Variants in FAM131A observed in about 807,000 individuals in gnomAD.
FAM131A encodes protein FAM131A.
Under a neutral mutation model 39.2 loss-of-function variants are expected in FAM131A, and 24 were observed. That is an observed-to-expected ratio of 0.61 (90% CI 0.44 to 0.86). The LOEUF (loss-of-function observed/expected upper bound fraction) is 0.86. Among genes scored for constraint, FAM131A ranks in the 40% least tolerant of loss-of-function variants. FAM131A has a pLI of 0.00. For missense variants in FAM131A, 373 were observed against 481.2 expected, an observed-to-expected ratio of 0.78 and a Z score of 2.10; for synonymous variants, 202 against 206.8, an observed-to-expected ratio of 0.98 and a Z score of 0.20.
chr3:184,343,040 G>C, intron 5 of FAM131A, 180 bp downstream of exon 5: 1 of 423,610 alleles, frequency 2.4e-6, no homozygotes, highest in East Asian at 3.4e-5. Context: ...GGTGGGAAAT[G>C]AGCAGACAGA....
chr3:184,336,020 G>C (rs1343353473), upstream of FAM131A: 1 of 152,218 alleles, frequency 6.6e-6, no homozygotes, highest in Non-Finnish European at 1.5e-5. This position sits in a 1 kb window ranked among gnomAD's most constrained non-coding sequence, Gnocchi z 5.5. Context: ...GTGTGGCCGC[G>C]ACCCTACCCT....
upstream of FAM131A, among the ~76,000 whole-genome samples, chr3:184,336,664 G>T (rs530077994): frequency 2.6e-5 from 4 of 152,320 alleles, no homozygotes; most frequent in Admixed American, 2.6e-4. This position sits in a 1 kb window ranked among gnomAD's most constrained non-coding sequence, Gnocchi z 5.5. Flanking sequence ...GTCGGCGAAG[G>T]GGGACTGAGG....
At chr3:184,344,434 T>C in intron 5 of FAM131A, 61 bp from the exon 6 acceptor site, 1 of 1,464,320 alleles carries the variant, frequency 6.8e-7, no homozygotes, top group Non-Finnish European at 9.2e-7. Flanking sequence ...GAATGTGGCT[T>C]CCAGGTTGTC....
At chr3:184,343,336 G>A (rs1029726639) in intron 5 of FAM131A, among the ~76,000 whole-genome samples, 1 of 152,184 alleles carries the variant, frequency 6.6e-6, no homozygotes, top group Non-Finnish European at 1.5e-5. Flanking sequence ...GAACACCCAC[G>A]GGGCCATGCT....
Position 184,344,776 on chromosome 3 carries a change from G to T in FAM131A, c.907G>T (p.Asp303Tyr), listed in dbSNP as rs867642715. The T allele has an allele frequency of 8.1e-6, 13 of 1,612,148 alleles. No individual in the cohort carries two copies. In the African/African-American group the frequency reaches 1.6e-4, roughly 20 times the overall value. Reference sequence around the variant, plus strand: ...CAGCCTGGGCCCACTGGAGGCCCAGGACTCACTCTACAACTCGCCCCTCAC... The same window carrying T: ...CAGCCTGGGCCCACTGGAGGCCCAGTACTCACTCTACAACTCGCCCCTCAC... ...FRSLGPLEAQ[D>Y]SLYNSPLTES... is the part of the protein sequence containing the mutation. Residue 303 changes from aspartate to tyrosine, a missense_variant, in exon 6 of 6, where the codon GAC becomes TAC. Around this residue, in one of 2 missense-constraint regions of FAM131A, gnomAD observed 152 missense variants for 133.5 expected, o/e 1.14. Coordinates refer to ENST00000383847, the MANE Select transcript of FAM131A (RefSeq NM_144635.5).
chr3:184,340,669 C>T (rs992009028), intron 2 of FAM131A: 2 of 152,164 alleles, frequency 1.3e-5, no homozygotes, highest in African/African-American at 4.8e-5. Context: ...AGGTGCTGTG[C>T]TAAACATTGG....
chr3:184,342,440 T>C lies in FAM131A; in HGVS notation c.508+192T>C, dbSNP rs561417322. On this transcript the variant is annotated intron_variant, in intron 4 of 5. Transcript: ENST00000383847. The surrounding 1 kb of genome is among the most constrained non-coding windows in gnomAD (Gnocchi z 4.6). Reference sequence around the variant, plus strand: ...CTCCTGCCTCAGCCTCCCAAGTAGCTGGGATTACAGTTGCCTGCCACCGTG... The same window carrying C: ...CTCCTGCCTCAGCCTCCCAAGTAGCCGGGATTACAGTTGCCTGCCACCGTG... 1.3e-5 allele frequency among the ~76,000 whole-genome samples: 2 copies of C among 152,318 alleles called. No homozygotes were observed. Among genetic ancestry groups the C allele is most frequent in the South Asian group, 4.1e-4 (2 of 4,822 alleles).
At chr3:184,343,180 G>A (rs945740691) in intron 5 of FAM131A, 6 of 204,412 alleles carry the variant, frequency 2.9e-5, no homozygotes, top group Admixed American at 2.1e-4. Flanking sequence ...GTGCAGCCAT[G>A]TCTCTGGGAG....
At chr3:184,336,063 G>T (rs562927988), upstream of FAM131A, 1 of 152,370 alleles carries the variant, frequency 6.6e-6, no homozygotes, top group African/African-American at 2.4e-5. This position sits in a 1 kb window ranked among gnomAD's most constrained non-coding sequence, Gnocchi z 5.5. Context: ...CCGAGCGCAG[G>T]CTAGCGTGCC....
At chr3:184,338,684 G>A in intron 2 of FAM131A, 155 bp downstream of exon 2, 1 of 944,404 alleles carries the variant, frequency 1.1e-6, no homozygotes, top group Non-Finnish European at 1.5e-6. Flanking sequence ...CCCCGTGCCG[G>A]TCTGCTCTGC....
rs770510033 is a variant in FAM131A at position 184,341,892 on chromosome 3, C to T, written c.325+75C>T. On this transcript the variant is annotated intron_variant, in intron 3 of 5. Transcript: ENST00000383847. ...TTTGCACATCCCTTTGGAACTGTTTCCTGTGAGTACATGCTGGGGTCTCCC... is the reference window on the plus strand; with the variant it reads ...TTTGCACATCCCTTTGGAACTGTTTTCTGTGAGTACATGCTGGGGTCTCCC... 152 of 1,547,062 alleles carry T rather than the reference C, an allele frequency of 9.8e-5. 1 individual carries two copies. Among genetic ancestry groups the T allele is most frequent in the Non-Finnish European group, 5.0e-5 (56 of 1,118,872 alleles).
rs1727591366 is a variant in FAM131A, at chr3:184,345,299, AG to A, written c.*334del. ...CCTCCTCGGATAATGTGAACCACTA[AG>A]GGGGTTGTGACTGGGCTGTGTGAGG... On this transcript the variant is annotated 3_prime_UTR_variant, in exon 6 of 6. Transcript: ENST00000383847. 1 of 405,986 alleles carries A rather than the reference AG, an allele frequency of 2.5e-6. No individual in the cohort carries two copies. Among genetic ancestry groups the A allele is most frequent in the Non-Finnish European group, 4.3e-6 (1 of 234,334 alleles). The allele number at this position is 405,986 out of a possible 1,614,324, so 25.1% of individuals were successfully genotyped here.
At chr3:184,339,492 C>G in intron 2 of FAM131A, 1 of 152,414 alleles carries the variant, frequency 6.6e-6, no homozygotes, top group East Asian at 1.9e-4. Flanking sequence ...CGGAGTTTCG[C>G]TCTTGTTGCC....
rs768400372 is a variant in FAM131A, at chr3:184,338,666, G to GAGGCCGCCCCCGTGCCGGT, written c.231+138_231+156dup. The stretch of plus-strand genomic sequence containing the variant: ...GAGGCGCTATCCGGCGGCGGGCCGG[G>GAGGCCGCCCCCGTGCCGGT]AGGCCGCCCCCGTGCCGGTCTGCTC... On this transcript the variant is annotated intron_variant, in intron 2 of 5. Coordinates refer to ENST00000383847, the MANE Select transcript of FAM131A (RefSeq NM_144635.5). 8.6e-4 allele frequency: 1,016 copies of GAGGCCGCCCCCGTGCCGGT among 1,183,606 alleles called. 2 individuals are homozygous for GAGGCCGCCCCCGTGCCGGT. In the African/African-American group the frequency reaches 0.014, roughly 17 times the overall value. 73.3% of individuals were successfully genotyped at this position (1,183,606 alleles called of 1,614,324 possible). A position where few individuals can be genotyped will look rare whatever the true frequency, so the allele number is the denominator to read the frequency against.
chr3:184,338,683 G>A (rs1249926644), intron 2 of FAM131A, 154 bp downstream of exon 2: 5 of 943,824 alleles, frequency 5.3e-6, no homozygotes, highest in South Asian at 1.7e-5. Flanking sequence ...CCCCCGTGCC[G>A]GTCTGCTCTG....
chr3:184,344,682 G>A lies in FAM131A; in HGVS notation c.813G>A (p.Leu271=), dbSNP rs1171638791. The A allele has an allele frequency of 3.7e-6, 6 of 1,612,556 alleles. No homozygotes were observed. Among genetic ancestry groups the A allele is most frequent in the Non-Finnish European group, 5.1e-6 (6 of 1,179,854 alleles). Residue 271 remains leucine (L), a synonymous_variant, in exon 6 of 6, where the codon CTG becomes CTA. Coordinates refer to ENST00000383847, the MANE Select transcript of FAM131A (RefSeq NM_144635.5). The stretch of plus-strand genomic sequence containing the variant: ...GGTTGTTGGGCTCCCCGGCCCGGCT[G>A]GCCTCCCAGCTGCTGGGCGATGAGC... The part of the protein sequence containing the change: ...EDGLLGSPAR[L]ASQLLGDELL...
Position 184,342,446 on chromosome 3 carries a change from TAC to T in FAM131A, c.508+200_508+201del, listed in dbSNP as rs1392086889. 1.3e-5 allele frequency among the ~76,000 whole-genome samples: 2 copies of T among 152,288 alleles called. No individual in the cohort carries two copies. Among genetic ancestry groups the T allele is most frequent in the Non-Finnish European group, 2.9e-5 (2 of 68,012 alleles). ...CCTCAGCCTCCCAAGTAGCTGGGAT[TAC>T]AGTTGCCTGCCACCGTGCCTGGCTA... is the stretch of plus-strand genomic sequence containing the variant. On this transcript the variant is annotated intron_variant, in intron 4 of 5. Coordinates refer to ENST00000383847, the MANE Select transcript of FAM131A (RefSeq NM_144635.5). This position sits in a 1 kb window ranked among gnomAD's most constrained non-coding sequence, Gnocchi z 4.6.
At chr3:184,344,047 ACGAT>A (rs1727495657) in intron 5 of FAM131A, among the ~76,000 whole-genome samples, 1 of 151,862 alleles carries the variant, frequency 6.6e-6, no homozygotes, top group Non-Finnish European at 1.5e-5. Context: ...GTGCAATGGC[ACGAT>A]CTCGGCTCAC....
chr3:184,341,430 C>G (rs549453729), intron 2 of FAM131A: 3 of 492,294 alleles, frequency 6.1e-6, no homozygotes, highest in Non-Finnish European at 3.7e-6. Flanking sequence ...AGAGGTCTCA[C>G]TCGTGGTTCT....
Sources: gnomAD v4.1 joint callset for allele counts (sites outside exome capture counted in the v4.1 genomes callset) on GRCh38, gnomAD v4.1.1 for gene constraint, gnomAD v4.1.1 regional missense constraint, Gnocchi (gnomAD v3.1) non-coding constraint, MANE v1.5 for transcripts, NCBI Gene and HGNC (gene_info 2026-07-23, HGNC 2026-07-21) for gene names.